PARD3B: variants seen among roughly 807,000 people sequenced by gnomAD.
The protein encoded by PARD3B is par-3 family cell polarity regulator beta.
A neutral mutation model predicts 130.2 loss-of-function variants in PARD3B; 103 were observed. The observed-to-expected ratio is 0.79, with a 90% CI of 0.67 to 0.93. PARD3B has a LOEUF of 0.93. Among genes scored for constraint, PARD3B ranks in the 40% least tolerant of loss-of-function variants. The pLI is 0.00. For missense variants in PARD3B, 1,609 were observed against 1,499.2 expected, an observed-to-expected ratio of 1.07 and a Z score of -1.21; for synonymous variants, 583 against 553.2, an observed-to-expected ratio of 1.05 and a Z score of -0.76.
intron 10 of PARD3B, among the ~76,000 whole-genome samples, chr2:205,143,740 T>C (rs927450848): frequency 6.6e-6 from 1 of 152,150 alleles, no homozygotes; most frequent in African/African-American, 2.4e-5. Context: ...GCATGAACAG[T>C]GCAGGGATAT....
chr2:204,631,374 C>G (rs918568219), intron 1 of PARD3B, among the ~76,000 whole-genome samples: 6 of 152,062 alleles, frequency 3.9e-5, no homozygotes, highest in African/African-American at 1.4e-4. Context: ...CTCAGCCTCC[C>G]AAGTAGCTGA....
At chr2:204,899,635 A>C (rs1048696862) in intron 2 of PARD3B, among the ~76,000 whole-genome samples, 2 of 152,158 alleles carry the variant, frequency 1.3e-5, no homozygotes, top group Admixed American at 6.5e-5. Context: ...TTTCTACTTA[A>C]GATACAGGTA....
At chr2:205,549,683 C>T (rs2052531901) in intron 21 of PARD3B, among the ~76,000 whole-genome samples, 2 of 152,138 alleles carry the variant, frequency 1.3e-5, no homozygotes, top group Non-Finnish European at 2.9e-5. Flanking sequence ...TGAAAATTCT[C>T]TGTATGGTAC....
chr2:204,777,449 AAG>A (rs1195941389), intron 2 of PARD3B, among the ~76,000 whole-genome samples: 1 of 152,200 alleles, frequency 6.6e-6, no homozygotes, highest in African/African-American at 2.4e-5. Context: ...GAAGGTGACT[AAG>A]AACATGTGTT....
At chr2:205,388,870 A>G (rs898001920) in intron 18 of PARD3B, among the ~76,000 whole-genome samples, 2 of 152,172 alleles carry the variant, frequency 1.3e-5, no homozygotes, top group African/African-American at 4.8e-5. Context: ...ATGTGGTTCA[A>G]TGAATGGATA....
rs572714987 is a variant in PARD3B at position 204,942,269 on chromosome 2, T to G, written c.223-22883T>G. Among the ~76,000 whole-genome samples the G allele has an allele frequency of 9.2e-5, 14 of 152,324 alleles. No individual in the cohort carries two copies. The South Asian group carries it at 2.9e-3, about 32-fold the overall frequency. ...AGCTCTGGAAATGTAACTTTTACTT[T>G]CCCTGTTTTTATAGTAACGCTTCAT... On this transcript the variant is annotated intron_variant, in intron 2 of 22. Transcript: ENST00000406610.
chr2:204,749,762 T>TAC, intron 2 of PARD3B, among the ~76,000 whole-genome samples: 1 of 152,308 alleles, frequency 6.6e-6, no homozygotes, highest in East Asian at 1.9e-4. Context: ...TAATACTTTC[T>TAC]ACACCAGCTG....
chr2:205,233,472 T>G (rs2038932009), intron 15 of PARD3B, among the ~76,000 whole-genome samples: 2 of 152,134 alleles, frequency 1.3e-5, no homozygotes, highest in Non-Finnish European at 2.9e-5. Flanking sequence ...AAAATTTTCC[T>G]TATTTAAATA....
intron 14 of PARD3B, among the ~76,000 whole-genome samples, chr2:205,192,873 C>T (rs1209480580): frequency 6.6e-6 from 1 of 152,198 alleles, no homozygotes; most frequent in Non-Finnish European, 1.5e-5. Flanking sequence ...TATCCAGTGA[C>T]ATCTTTTGAA....
At position 205,142,124 on chromosome 2, in the gene PARD3B, A is replaced by G. The variant is rs1011322148; in HGVS notation, c.1434+16387A>G. Among the ~76,000 whole-genome samples the G allele has an allele frequency of 6.6e-6, 1 of 152,180 alleles. No individual in the cohort carries two copies. The highest frequency in any genetic ancestry group is 1.5e-5 in the Non-Finnish European group (1 of 68,044). On this transcript the variant is annotated intron_variant, in intron 10 of 22. Coordinates refer to ENST00000406610, the MANE Select transcript of PARD3B (RefSeq NM_001302769.2). The surrounding 1 kb of genome is among the most constrained non-coding windows in gnomAD (Gnocchi z 4.3). ...GATTAGTGCTATGCTTTTATTATGT[A>G]TAGAGTGTTTTGAAGACCTAGATGA... is the stretch of plus-strand genomic sequence containing the variant.
At chr2:205,048,634 G>A (rs537174653) in intron 4 of PARD3B, 32 of 152,172 alleles carry the variant, frequency 2.1e-4, no homozygotes, top group Admixed American at 6.5e-4. Flanking sequence ...AGGTATATAC[G>A]GATGCTGAAA....
chr2:204,703,878 A>AT lies in PARD3B; in HGVS notation c.222+17605dup, dbSNP rs534203233. Among the ~76,000 whole-genome samples the AT allele has an allele frequency of 4.6e-5, 7 of 151,828 alleles. No homozygotes were observed. In the East Asian group the frequency reaches 9.7e-4, roughly 21 times the overall value. ...CCACAATGTAGGGCACATTTCTATA[A>AT]TTTTTTTTTAAAGTTTTCTTGGCAC... On this transcript the variant is annotated intron_variant, in intron 2 of 22. Coordinates refer to ENST00000406610, the MANE Select transcript of PARD3B (RefSeq NM_001302769.2).
At chr2:205,184,641 C>T (rs2035989112) in intron 13 of PARD3B, among the ~76,000 whole-genome samples, 1 of 151,998 alleles carries the variant, frequency 6.6e-6, no homozygotes, top group Non-Finnish European at 1.5e-5. Flanking sequence ...ATTCGGGAGG[C>T]TGAGGCAGGA....
rs572318075 is a variant in PARD3B at position 204,551,616 on chromosome 2, AGGGTTTGCTGAACC to A, written c.120+5505_120+5518del. Among the ~76,000 whole-genome samples the A allele has an allele frequency of 3.1e-4, 47 of 152,184 alleles. 1 individual carries two copies. In the South Asian group the frequency reaches 9.8e-3, roughly 32 times the overall value. ...CCCTCTGTGTATAATCCATGCACAT[AGGGTTTGCTGAACC>A]GGGTTTGGCTGGTTATCTGAGCTGA... is the stretch of plus-strand genomic sequence containing the variant. On this transcript the variant is annotated intron_variant, in intron 1 of 22. Coordinates refer to ENST00000406610, the MANE Select transcript of PARD3B (RefSeq NM_001302769.2).
At chr2:205,363,718 G>A (rs1374990686) in intron 18 of PARD3B, among the ~76,000 whole-genome samples, 1 of 152,000 alleles carries the variant, frequency 6.6e-6, no homozygotes, top group Non-Finnish European at 1.5e-5. Context: ...AGGCTGGAAT[G>A]CAGTGGCACA....
At position 205,222,171 on chromosome 2, in the gene PARD3B, T is replaced by G. The variant is rs530890597; in HGVS notation, c.2141-23607T>G. On this transcript the variant is annotated intron_variant, in intron 15 of 22. Coordinates refer to ENST00000406610, the MANE Select transcript of PARD3B (RefSeq NM_001302769.2). ...CAGAAAGTTAATGAACTATTAGACC[T>G]TCCAATATAAAAAAAAAAAAAGAAA... Among the ~76,000 whole-genome samples, 632 of 95,686 alleles carry G rather than the reference T, an allele frequency of 6.6e-3. 2 individuals are homozygous for G. The highest frequency in any genetic ancestry group is 0.027 in the African/African-American group (583 of 21,394). 62.8% of individuals were successfully genotyped at this position (95,686 alleles called of 152,430 possible). A position where few individuals can be genotyped will look rare whatever the true frequency, so the allele number is the denominator to read the frequency against.
intron 11 of PARD3B, among the ~76,000 whole-genome samples, chr2:205,166,886 C>T (rs1299422668): frequency 2.0e-5 from 3 of 152,082 alleles, no homozygotes; most frequent in South Asian, 2.1e-4. Flanking sequence ...CCAAGGGCCC[C>T]GTTAGAAGCA....
rs147660481 is a variant in PARD3B, at chr2:205,590,472, G to A, written c.3261-24984G>A. The stretch of plus-strand genomic sequence containing the variant: ...AGGATCATCTCAGGTTGCTTTTATC[G>A]CGGTATGTTTTTAACCATACACAAT... On this transcript the variant is annotated intron_variant, in intron 22 of 22. Transcript: ENST00000406610. This position sits in a 1 kb window ranked among gnomAD's most constrained non-coding sequence, Gnocchi z 4.1. Among the ~76,000 whole-genome samples the A allele has an allele frequency of 6.6e-5, 10 of 152,170 alleles. No homozygotes were observed. Among genetic ancestry groups the A allele is most frequent in the African/African-American group, 2.4e-4 (10 of 41,508 alleles).
At chr2:205,149,126 A>T (rs1294859868) in intron 10 of PARD3B, among the ~76,000 whole-genome samples, 1 of 152,134 alleles carries the variant, frequency 6.6e-6, no homozygotes, top group Non-Finnish European at 1.5e-5. Flanking sequence ...AATAGTATGG[A>T]TGTCTCCCCA....
Sources: gnomAD v4.1 joint callset for allele counts (sites outside exome capture counted in the v4.1 genomes callset) on GRCh38, gnomAD v4.1.1 for gene constraint, Gnocchi (gnomAD v3.1) non-coding constraint, MANE v1.5 for transcripts, NCBI Gene and HGNC (gene_info 2026-07-23, HGNC 2026-07-21) for gene names.